The following MAOB variants were observed in gnomAD, a reference collection of about 807,000 sequenced individuals.
MAOB encodes the protein amine oxidase [flavin-containing] B.
A neutral mutation model predicts 41.9 loss-of-function variants in MAOB; 15 were observed. The observed-to-expected ratio is 0.36, with a 90% confidence interval of 0.24 to 0.55. The LOEUF (loss-of-function observed/expected upper bound fraction) is 0.55, where lower values mean the gene tolerates loss of function less well. Ranked by LOEUF, MAOB falls within the 20% of genes least tolerant of loss-of-function variation. The pLI is 0.86. For synonymous variants in MAOB, 167 were observed against 144.2 expected, an observed-to-expected ratio of 1.16 and a Z score of -1.13; for missense variants, 345 against 398.7, an observed-to-expected ratio of 0.87 and a Z score of 1.15.
Position 43,843,707 on chromosome X carries a change from G to C in MAOB, c.104C>G (p.Ala35Gly). Residue 35 changes from alanine to glycine, a missense_variant, in exon 2 of 15, where the codon GCC (alanine) becomes GGC (glycine). Transcript: ENST00000378069. ...DSGLNVVVLEARDRVGGRTYT... is the reference protein window; with the variant it reads ...DSGLNVVVLEGRDRVGGRTYT... Reference sequence around the variant, plus strand: ...AGTCCTGCCTCCCACACGGTCCCGGGCTTCCAGAACAACCACATTCAGTCC... The same window carrying C: ...AGTCCTGCCTCCCACACGGTCCCGGCCTTCCAGAACAACCACATTCAGTCC... 8.3e-7 allele frequency: 1 copy of C among 1,210,975 alleles called. No individual in the cohort carries two copies. Among genetic ancestry groups the C allele is most frequent in the African/African-American group, 1.7e-5 (1 of 57,694 alleles).
intron 8 of MAOB, 84 bp downstream of exon 8, chrX:43,793,335 G>A: frequency 2.7e-6 from 2 of 742,141 alleles, no homozygotes; most frequent in Non-Finnish European, 2.0e-6. Flanking sequence ...TAAAATAAAA[G>A]TTGACATTTT....
chrX:43,852,873 G>A (rs2035261024), intron 1 of MAOB, among the ~76,000 whole-genome samples: 1 of 111,199 alleles, frequency 9.0e-6, no homozygotes, highest in African/African-American at 3.3e-5. Flanking sequence ...AAAACATGAT[G>A]TGCCTCTAGA....
At chrX:43,818,897 G>T (rs1221806519) in intron 3 of MAOB, among the ~76,000 whole-genome samples, 2 of 112,066 alleles carry the variant, frequency 1.8e-5, no homozygotes, top group Non-Finnish European at 3.8e-5. Context: ...TTATAACATG[G>T]CATATGGCTG....
intron 3 of MAOB, among the ~76,000 whole-genome samples, chrX:43,812,469 G>A (rs1442704309): frequency 8.9e-6 from 1 of 111,776 alleles, no homozygotes; most frequent in African/African-American, 3.3e-5. Context: ...CCAACAATGT[G>A]CAAATATTCC....
chrX:43,823,515 A>C (rs921953965), intron 3 of MAOB, among the ~76,000 whole-genome samples: 2 of 111,145 alleles, frequency 1.8e-5, no homozygotes, highest in African/African-American at 6.5e-5. Flanking sequence ...TTCCCAAGAA[A>C]ATACACAGTC....
chrX:43,792,889 C>T (rs1453991064), intron 8 of MAOB, among the ~76,000 whole-genome samples: 4 of 111,818 alleles, frequency 3.6e-5, no homozygotes, highest in African/African-American at 9.8e-5. Flanking sequence ...ACATGTTCAT[C>T]GCAGCACTAC....
rs750657172 is a variant in MAOB at position 43,839,008 on chromosome X, GT to G, written c.142-4del. On this transcript the variant is annotated splice_region_variant and splice_polypyrimidine_tract_variant and intron_variant, in intron 2 of 14. Coordinates refer to ENST00000378069, the MANE Select transcript of MAOB (RefSeq NM_000898.5). ...TCCACATATTTAACCTTTTGGTTCT[GT>G]TTTCCCATAGGAAAAAATTAAAAAA... 8.7e-7 allele frequency: 1 copy of G among 1,144,962 alleles called. No individual in the cohort carries two copies. The highest frequency in any genetic ancestry group is 2.1e-5 in the South Asian group (1 of 46,559). 94.4% of individuals were successfully genotyped at this position (1,144,962 alleles called of 1,213,427 possible). A position where few individuals can be genotyped will look rare whatever the true frequency, so the allele number is the denominator to read the frequency against.
At chrX:43,816,931 C>T (rs1398444394) in intron 3 of MAOB, among the ~76,000 whole-genome samples, 1 of 111,089 alleles carries the variant, frequency 9.0e-6, no homozygotes, top group Non-Finnish European at 1.9e-5. Context: ...CAGCAAAAGA[C>T]ACATTTTTCT....
chrX:43,866,122 G>T (rs2035363810), intron 1 of MAOB, among the ~76,000 whole-genome samples: 1 of 110,578 alleles, frequency 9.0e-6, no homozygotes, highest in Admixed American at 9.7e-5. Context: ...TATCCTGGGG[G>T]TAATGGAGGG....
chrX:43,803,542 T>G, intron 3 of MAOB, 138 bp from the exon 4 acceptor site: 1 of 883,220 alleles, frequency 1.1e-6, no homozygotes, highest in South Asian at 3.8e-5. Flanking sequence ...TTTAGCTCCT[T>G]GTGTCCTCAG....
At chrX:43,881,200 C>T (rs887344924) in intron 1 of MAOB, among the ~76,000 whole-genome samples, 1 of 113,176 alleles carries the variant, frequency 8.8e-6, no homozygotes, top group Admixed American at 9.2e-5. Flanking sequence ...CATCCAATGC[C>T]TTGGTTTTTT....
chrX:43,768,760 T>C (rs374466611), intron 13 of MAOB, 44 bp from the exon 14 acceptor site: 14 of 1,054,646 alleles, frequency 1.3e-5, no homozygotes, highest in African/African-American at 1.3e-4. Flanking sequence ...AGTGACACCA[T>C]CTTTCTTCTA....
intron 3 of MAOB, among the ~76,000 whole-genome samples, chrX:43,824,827 C>A (rs7062993): frequency 0.02 from 2,296 of 113,413 alleles, 61 homozygotes; most frequent in South Asian, 0.18. Context: ...CACACATGCA[C>A]ACGCATGCAC....
intron 3 of MAOB, chrX:43,837,778 C>T (rs2035088272): frequency 3.2e-6 from 1 of 313,304 alleles, no homozygotes; most frequent in Non-Finnish European, 6.2e-6. Context: ...TACTTCCACC[C>T]ACAGGAGCAA....
At chrX:43,781,217 CAT>C (rs992396975) in intron 9 of MAOB, among the ~76,000 whole-genome samples, 1 of 111,763 alleles carries the variant, frequency 8.9e-6, no homozygotes, top group African/African-American at 3.3e-5. Context: ...AGAAAACTAA[CAT>C]AAAAATTTTA....
In MAOB at chrX:43,810,828, T is replaced by G. The variant is rs7057164; in HGVS notation, c.280-7424A>C. Among the ~76,000 whole-genome samples the G allele has an allele frequency of 3.5e-3, 396 of 111,640 alleles. 2 individuals carry two copies. The highest frequency in any genetic ancestry group is 0.012 in the African/African-American group (366 of 30,708). On this transcript the variant is annotated intron_variant, in intron 3 of 14. Transcript: ENST00000378069. ...GATGTACTGTAGGAATAATGGAGAT[T>G]ATACAAGGTACACAGGATGCATGCA...
chrX:43,807,652 C>CT (rs2034684371), intron 3 of MAOB, among the ~76,000 whole-genome samples: 1 of 112,441 alleles, frequency 8.9e-6, no homozygotes, highest in Non-Finnish European at 1.9e-5. Context: ...TAGTAACTGT[C>CT]TTGGAGGCAT....
chrX:43,809,297 C>T (rs1028383310), intron 3 of MAOB, among the ~76,000 whole-genome samples: 7 of 112,254 alleles, frequency 6.2e-5, no homozygotes, highest in Non-Finnish European at 9.4e-5. Context: ...TGTTAAAGCC[C>T]TCCTAACTCA....
At chrX:43,783,108 T>C (rs993060948) in intron 8 of MAOB, among the ~76,000 whole-genome samples, 4 of 112,027 alleles carry the variant, frequency 3.6e-5, no homozygotes, top group African/African-American at 1.3e-4. Flanking sequence ...CTCTCACCAC[T>C]CCTATTCAAC....
Sources: allele counts gnomAD v4.1 joint callset (sites outside exome capture counted in the v4.1 genomes callset), GRCh38; gene constraint gnomAD v4.1.1; transcripts MANE v1.5; gene names NCBI Gene and HGNC (gene_info 2026-07-23, HGNC 2026-07-21).